The following CELSR1 variants were observed in gnomAD, a reference collection of about 807,000 sequenced individuals.
CELSR1 encodes the protein adhesion G protein-coupled receptor C1.
Under a neutral mutation model 249.1 loss-of-function variants are expected in CELSR1, and 110 were observed. The observed-to-expected ratio is 0.44, with a 90% CI of 0.38 to 0.52. The LOEUF (loss-of-function observed/expected upper bound fraction) is 0.52. Among genes scored for constraint, CELSR1 ranks in the 20% least tolerant of loss-of-function variants. CELSR1 has a pLI of 0.00. For missense variants in CELSR1, 4,109 were observed against 4,296.4 expected (o/e 0.96, Z 1.22); for synonymous variants, 2,113 against 1,900.0 (o/e 1.11, Z -2.92).
At chr22:46,465,192 G>T (rs146242292) in intron 1 of CELSR1, among the ~76,000 whole-genome samples, 1 of 152,038 alleles carries the variant, frequency 6.6e-6, no homozygotes, top group African/African-American at 2.4e-5. Context: ...CTGCCCAGGG[G>T]CCCTCACCTG....
In CELSR1 at chr22:46,505,131, G is replaced by A. The variant is rs184752193; in HGVS notation, c.3544+28496C>T. ...CAAAAAATCAGCAAGGCATGGTGGC[G>A]GGCTCCTGTAGTCCCAGCTACTCGG... On this transcript the variant is annotated intron_variant, in intron 1 of 34. Transcript: ENST00000674500. Among the ~76,000 whole-genome samples, 191 of 151,992 alleles carry A rather than the reference G, an allele frequency of 1.3e-3. 1 individual carries two copies. Among genetic ancestry groups the A allele is most frequent in the African/African-American group, 4.3e-3 (178 of 41,468 alleles).
rs1039193736 is a variant in CELSR1 at position 46,434,370 on chromosome 22, G to A, written c.4523-889C>T. ...GGAAGGAGCTTCAGGGGCACCAAAG[G>A]ACAGGTGCGGTGGGTACCAGGTCCC... On this transcript the variant is annotated intron_variant, in intron 4 of 34. Coordinates refer to ENST00000674500, the MANE Select transcript of CELSR1 (RefSeq NM_001378328.1). This position sits in a 1 kb window ranked among gnomAD's most constrained non-coding sequence, Gnocchi z 4.9. 6.6e-6 allele frequency among the ~76,000 whole-genome samples: 1 copy of A among 152,174 alleles called. No individual in the cohort carries two copies. Among genetic ancestry groups the A allele is most frequent in the Non-Finnish European group, 1.5e-5 (1 of 68,040 alleles).
chr22:46,384,764 C>G, intron 19 of CELSR1, 78 bp from the exon 20 acceptor site: 1 of 1,428,590 alleles, frequency 7.0e-7, no homozygotes, highest in Non-Finnish European at 9.4e-7. Flanking sequence ...ATGACCACAA[C>G]TGTCACACTG....
chr22:46,443,532 C>G (rs191869703), intron 2 of CELSR1, among the ~76,000 whole-genome samples: 28 of 152,362 alleles, frequency 1.8e-4, no homozygotes, highest in African/African-American at 6.5e-4. Context: ...GATGCTGCAC[C>G]CCGCCGCCCT....
chr22:46,370,061 G>A (rs1260306528), intron 25 of CELSR1: 2 of 571,756 alleles, frequency 3.5e-6, no homozygotes, highest in African/African-American at 1.9e-5. Context: ...CTGGGCCGGG[G>A]GCTGCTGAGG....
intron 25 of CELSR1, chr22:46,370,147 C>G (rs1194978737): frequency 4.2e-6 from 2 of 471,260 alleles, no homozygotes; most frequent in Non-Finnish European, 8.4e-6. Context: ...TTGGGAGGAC[C>G]CTGCCAGCTG....
intron 25 of CELSR1, among the ~76,000 whole-genome samples, chr22:46,371,527 C>G (rs895956076): frequency 1.3e-5 from 2 of 152,100 alleles, no homozygotes; most frequent in African/African-American, 2.4e-5. Context: ...CTCACTGATT[C>G]ACTAATTCAT....
intron 1 of CELSR1, among the ~76,000 whole-genome samples, chr22:46,519,841 A>G (rs1406187561): frequency 9.2e-5 from 14 of 151,694 alleles, no homozygotes; most frequent in Non-Finnish European, 1.5e-5. Context: ...TACCAGGCAC[A>G]AGATTTATAG....
chr22:46,428,980 G>A lies in CELSR1; in HGVS notation c.4611+4413C>T, dbSNP rs558485037. On this transcript the variant is annotated intron_variant, in intron 5 of 34. Coordinates refer to ENST00000674500, the MANE Select transcript of CELSR1 (RefSeq NM_001378328.1). This position sits in a 1 kb window ranked among gnomAD's most constrained non-coding sequence, Gnocchi z 5.7. ...GCCACCCTTGCTTCCCCAGGGCCCCGTTAAACATCTTGCTGGCACGTCTGT... is the reference window on the plus strand; with the variant it reads ...GCCACCCTTGCTTCCCCAGGGCCCCATTAAACATCTTGCTGGCACGTCTGT... Among the ~76,000 whole-genome samples the A allele has an allele frequency of 2.0e-5, 3 of 152,134 alleles. No individual in the cohort carries two copies. The highest frequency in any genetic ancestry group is 4.4e-5 in the Non-Finnish European group (3 of 68,012).
intron 1 of CELSR1, among the ~76,000 whole-genome samples, chr22:46,504,773 GCAC>G (rs1033378993): frequency 1.2e-4 from 19 of 152,066 alleles, no homozygotes; most frequent in Non-Finnish European, 2.2e-4. Context: ...CAAATCCTCC[GCAC>G]CAGTAATTTC....
At chr22:46,487,763 A>G (rs1396621132) in intron 1 of CELSR1, among the ~76,000 whole-genome samples, 9 of 67,408 alleles carry the variant, frequency 1.3e-4, no homozygotes, top group South Asian at 5.4e-4. Context: ...TGCAGGTGGG[A>G]GGTATTGGGG....
rs1335197918 is a variant in CELSR1, at chr22:46,445,607, G to A, written c.4184-6196C>T. Among the ~76,000 whole-genome samples the A allele has an allele frequency of 6.6e-6, 1 of 152,200 alleles. No individual in the cohort carries two copies. Among genetic ancestry groups the A allele is most frequent in the Non-Finnish European group, 1.5e-5 (1 of 68,030 alleles). On this transcript the variant is annotated intron_variant, in intron 2 of 34. Transcript: ENST00000674500. This position sits in a 1 kb window ranked among gnomAD's most constrained non-coding sequence, Gnocchi z 4.4. ...ATCTGGAAAGAGCCCATTTCCAACT[G>A]AGGTCTCATTCTGAGAGTCTGTGTG...
intron 5 of CELSR1, among the ~76,000 whole-genome samples, chr22:46,414,475 G>GT (rs1487010519): frequency 6.8e-6 from 1 of 146,028 alleles, no homozygotes; most frequent in African/African-American, 2.7e-5. Context: ...TAGGTGCTGA[G>GT]TGAGGCTCTG....
At chr22:46,444,394 G>T (rs1455032130) in intron 2 of CELSR1, among the ~76,000 whole-genome samples, 1 of 152,228 alleles carries the variant, frequency 6.6e-6, no homozygotes, top group African/African-American at 2.4e-5. Context: ...GAGGCTGACC[G>T]ATATAAGCTT....
Position 46,441,666 on chromosome 22 carries a change from G to A in CELSR1, c.4184-2255C>T, listed in dbSNP as rs1236533035. On this transcript the variant is annotated intron_variant, in intron 2 of 34. Transcript: ENST00000674500. The surrounding 1 kb of genome is among the most constrained non-coding windows in gnomAD (Gnocchi z 6.1). The stretch of plus-strand genomic sequence containing the variant: ...CTGTGGTCTCTTCCTCTCCTTACAA[G>A]GACTCTAATTGCAGCCTGGGGGCCC... Among the ~76,000 whole-genome samples the A allele has an allele frequency of 6.6e-6, 1 of 152,010 alleles. No individual in the cohort carries two copies. The highest frequency in any genetic ancestry group is 1.5e-5 in the Non-Finnish European group (1 of 68,008).
In CELSR1 at chr22:46,536,449, C is replaced by A. The variant is rs899351848; in HGVS notation, c.722G>T (p.Gly241Val). The part of the protein sequence containing the change: ...RRARRGTSGR[G>V]SLKFPMPNYQ... ...GTTGGGCATCGGAAACTTCAGGCTC[C>A]CTCTGCCGCTCGTGCCCCGCCGGGC... Residue 241 changes from glycine (G) to valine (V), a missense_variant, in exon 1 of 35, where the codon GGG (glycine) becomes GTG (valine). By Grantham distance (109) the Gly-to-Val change is moderately radical. Coordinates refer to ENST00000674500, the MANE Select transcript of CELSR1 (RefSeq NM_001378328.1). 7 of 1,611,220 alleles carry A rather than the reference C, an allele frequency of 4.3e-6. No individual in the cohort carries two copies. In the African/African-American group the frequency reaches 9.3e-5, roughly 22 times the overall value.
chr22:46,481,278 A>T (rs1602195655), intron 1 of CELSR1: 2 of 290,738 alleles, frequency 6.9e-6, no homozygotes. Context: ...AATTCCTTAT[A>T]AAAAATACAT....
chr22:46,363,847 C>T lies in CELSR1; in HGVS notation c.9035+149G>A. The T allele has an allele frequency of 9.1e-7, 1 of 1,093,134 alleles. No individual in the cohort carries two copies. Among genetic ancestry groups the T allele is most frequent in the Non-Finnish European group, 1.3e-6 (1 of 793,286 alleles). The allele number at this position is 1,093,134 out of a possible 1,614,324, so 67.7% of individuals were successfully genotyped here. ...CTCCTGACCTCAGCTGCAGCGCCTC[C>T]CCCCTCCCCCATCCCCGCCTGGGCT... On this transcript the variant is annotated intron_variant, in intron 34 of 34. Transcript: ENST00000674500. This position sits in a 1 kb window ranked among gnomAD's most constrained non-coding sequence, Gnocchi z 4.3.
chr22:46,510,423 A>C (rs1325929556), intron 1 of CELSR1, among the ~76,000 whole-genome samples: 1 of 152,096 alleles, frequency 6.6e-6, no homozygotes, highest in Non-Finnish European at 1.5e-5. Context: ...AGACACACAA[A>C]CAGTCCTTCA....
Sources: gnomAD v4.1 joint callset for allele counts (sites outside exome capture counted in the v4.1 genomes callset) on GRCh38, gnomAD v4.1.1 for gene constraint, Gnocchi (gnomAD v3.1) non-coding constraint, MANE v1.5 for transcripts, NCBI Gene and HGNC (gene_info 2026-07-23, HGNC 2026-07-21) for gene names.